ABHD17C: variants seen among roughly 807,000 people sequenced by gnomAD.
ABHD17C encodes the protein abhydrolase domain containing 17C, depalmitoylase.
A neutral mutation model predicts 27.9 loss-of-function variants in ABHD17C; 11 were observed. The ratio of observed to expected loss-of-function variants is 0.39; its 90% CI spans 0.25 to 0.65. The LOEUF is 0.65. Ranked by LOEUF, ABHD17C falls within the 30% of genes least tolerant of loss-of-function variation. ABHD17C has a pLI of 0.45. For synonymous variants in ABHD17C, 233 were observed against 209.1 expected (o/e 1.11, Z -0.98); for missense variants, 280 against 470.2 (o/e 0.60, Z 3.74).
At chr15:80,739,598 T>A (rs750520275) in intron 1 of ABHD17C, among the ~76,000 whole-genome samples, 6 of 152,066 alleles carry the variant, frequency 3.9e-5, no homozygotes, top group Admixed American at 2.6e-4. Context: ...ACCTGACATC[T>A]CTCTTGTTCT....
Position 80,696,025 on chromosome 15 carries a change from C to T in ABHD17C, c.590+6C>T. On this transcript the variant is annotated splice_donor_region_variant and intron_variant, in intron 1 of 2. Transcript: ENST00000258884. ...TGGCAGGCGCTGCGCACCCGGTGAG[C>T]CTGCCGGGGTCGCCAGGCCTGACTT... is the stretch of plus-strand genomic sequence containing the variant. 1 of 1,558,818 alleles carries T rather than the reference C, an allele frequency of 6.4e-7. No homozygotes were observed. The highest frequency in any genetic ancestry group is 1.9e-5 in the Admixed American group (1 of 53,706).
chr15:80,704,564 C>CA (rs144846637), intron 1 of ABHD17C: 13,208 of 139,848 alleles, frequency 0.094, 823 homozygotes, highest in Middle Eastern at 0.18. Context: ...ATACATACGG[C>CA]AAAAAAAAAG....
intron 1 of ABHD17C, among the ~76,000 whole-genome samples, chr15:80,709,099 T>C (rs951111138): frequency 2.6e-5 from 4 of 152,184 alleles, no homozygotes; most frequent in African/African-American, 9.7e-5. Context: ...TTGCAGTTTG[T>C]ATCATACCAG....
At chr15:80,707,569 C>T (rs1414600972) in intron 1 of ABHD17C, among the ~76,000 whole-genome samples, 1 of 151,142 alleles carries the variant, frequency 6.6e-6, no homozygotes, top group African/African-American at 2.4e-5. Context: ...TGAGCCCCCC[C>T]TCAAAAAAAA....
At chr15:80,698,147 C>T (rs1435021332) in intron 1 of ABHD17C, among the ~76,000 whole-genome samples, 1 of 148,816 alleles carries the variant, frequency 6.7e-6, no homozygotes, top group African/African-American at 2.5e-5. Flanking sequence ...TCACTGTAAG[C>T]TCCACCTCCC....
intron 1 of ABHD17C, chr15:80,704,901 A>G (rs2291320): frequency 0.1 from 15,487 of 152,110 alleles, 1,461 homozygotes; most frequent in East Asian, 0.55. Flanking sequence ...GTGGGTGCCC[A>G]TTGCAAGCCT....
chr15:80,695,489 C>A lies in ABHD17C; in HGVS notation c.60C>A (p.Phe20Leu), dbSNP rs1176435630. ...CGCTGGGTGAGCTGTGCTGGCTCTTCTGCTGCCCGCCCTGCCCGAGCCGCA... is the reference window on the plus strand; with the variant it reads ...CGCTGGGTGAGCTGTGCTGGCTCTTATGCTGCCCGCCCTGCCCGAGCCGCA... ...GFSLGELCWL[F>L]CCPPCPSRIA... The change falls in exon 1 of 3, where the codon TTC becomes TTA. Residue 20 changes from phenylalanine (F) to leucine (L), a missense_variant. Phe to Leu is a conservative substitution (Grantham distance 22, BLOSUM62 0). Coordinates refer to ENST00000258884, the MANE Select transcript of ABHD17C (RefSeq NM_021214.2). The surrounding 1 kb of genome is among the most constrained non-coding windows in gnomAD (Gnocchi z 4.3). The A allele has an allele frequency of 7.2e-7, 1 of 1,394,984 alleles. No homozygotes were observed. The highest frequency in any genetic ancestry group is 9.4e-7 in the Non-Finnish European group (1 of 1,064,350). The allele number at this position is 1,394,984 out of a possible 1,614,324, so 86.4% of individuals were successfully genotyped here.
intron 1 of ABHD17C, among the ~76,000 whole-genome samples, chr15:80,726,081 T>C (rs1894970205): frequency 6.6e-6 from 1 of 152,220 alleles, no homozygotes; most frequent in East Asian, 1.9e-4. Flanking sequence ...GTATCCCTTA[T>C]GGGAAACAAA....
chr15:80,748,888 GGGAA>G (rs1318959837), intron 1 of ABHD17C, among the ~76,000 whole-genome samples: 1 of 151,666 alleles, frequency 6.6e-6, no homozygotes, highest in Non-Finnish European at 1.5e-5. Flanking sequence ...AAGGGAGGCT[GGGAA>G]ATGAAGCCTG....
chr15:80,695,581 G>A lies in ABHD17C; in HGVS notation c.152G>A (p.Gly51Asp), dbSNP rs892739549. 2 of 1,118,722 alleles carry A rather than the reference G, an allele frequency of 1.8e-6. No homozygotes were observed. The highest frequency in any genetic ancestry group is 2.2e-6 in the Non-Finnish European group (2 of 914,300). The allele number at this position is 1,118,722 out of a possible 1,614,324, so 69.3% of individuals were successfully genotyped here. Residue 51 changes from glycine to aspartate, a missense_variant, in exon 1 of 3, where the codon GGC becomes GAC. Gly to Asp is a moderately conservative substitution (Grantham distance 94). This residue lies in a region of ABHD17C where 74 missense variants were observed against 75.5 expected (regional missense o/e 0.98). Coordinates refer to ENST00000258884, the MANE Select transcript of ABHD17C (RefSeq NM_021214.2). The surrounding 1 kb of genome is among the most constrained non-coding windows in gnomAD (Gnocchi z 4.3). ...TYTVLAPEQR[G>D]AGASAPAPAQ... ...ACGGTGCTGGCGCCGGAGCAGCGCG[G>A]CGCCGGCGCGTCCGCCCCGGCCCCG...
intron 1 of ABHD17C, among the ~76,000 whole-genome samples, chr15:80,734,441 A>T (rs1454215068): frequency 6.6e-6 from 1 of 152,214 alleles, no homozygotes; most frequent in Non-Finnish European, 1.5e-5. Flanking sequence ...TGCCAAAAGA[A>T]TCTCCATTAT....
chr15:80,699,164 G>GT (rs1894537760), intron 1 of ABHD17C, among the ~76,000 whole-genome samples: 1 of 152,150 alleles, frequency 6.6e-6, no homozygotes, highest in Admixed American at 6.6e-5. Context: ...CAGTGTTGCT[G>GT]TATCTGTTAT....
intron 1 of ABHD17C, among the ~76,000 whole-genome samples, chr15:80,737,038 A>G (rs1226850198): frequency 2.0e-5 from 3 of 152,076 alleles, no homozygotes; most frequent in Non-Finnish European, 2.9e-5. Context: ...TCCCATTCCC[A>G]TATGCTGAGT....
At position 80,705,297 on chromosome 15, in the gene ABHD17C, G is replaced by A. The variant is rs1393228762; in HGVS notation, c.590+9278G>A. Among the ~76,000 whole-genome samples, 7 of 139,396 alleles carry A rather than the reference G, an allele frequency of 5.0e-5. No homozygotes were observed. In the East Asian group the frequency reaches 1.2e-3, roughly 25 times the overall value. The allele number at this position is 139,396 out of a possible 152,430, so 91.4% of individuals were successfully genotyped here. On this transcript the variant is annotated intron_variant, in intron 1 of 2. Coordinates refer to ENST00000258884, the MANE Select transcript of ABHD17C (RefSeq NM_021214.2). ...AAGGTTGTCTCAAGGGTAACCTGGG[G>A]AGAAATGTTCCCTGCAGTTCTGAGC...
At position 80,751,223 on chromosome 15, in the gene ABHD17C, G is replaced by C. The variant is rs1338263705; in HGVS notation, c.770+1531G>C. On this transcript the variant is annotated intron_variant, in intron 2 of 2. Coordinates refer to ENST00000258884, the MANE Select transcript of ABHD17C (RefSeq NM_021214.2). Reference sequence around the variant, plus strand: ...AAAAAAAAAATAATTAGACGAGCGTGGTGGTGCACACCTGTAATCCCAGCT... The same window carrying C: ...AAAAAAAAAATAATTAGACGAGCGTCGTGGTGCACACCTGTAATCCCAGCT... Among the ~76,000 whole-genome samples the C allele has an allele frequency of 2.0e-5, 3 of 151,960 alleles. No homozygotes were observed. The East Asian group carries it at 5.8e-4, about 29-fold the overall frequency.
At chr15:80,727,710 C>G (rs1895000422) in intron 1 of ABHD17C, among the ~76,000 whole-genome samples, 1 of 152,006 alleles carries the variant, frequency 6.6e-6, no homozygotes, top group African/African-American at 2.4e-5. Context: ...GGGCCAATGA[C>G]CAGTCGGGTG....
Position 80,754,611 on chromosome 15 carries a change from G to C in ABHD17C, c.*241G>C. The C allele has an allele frequency of 2.1e-6, 1 of 470,526 alleles. No homozygotes were observed. Among genetic ancestry groups the C allele is most frequent in the African/African-American group, 1.9e-5 (1 of 51,426 alleles). The allele number at this position is 470,526 out of a possible 1,614,324, so 29.1% of individuals were successfully genotyped here. A position where few individuals can be genotyped will look rare whatever the true frequency, so the allele number is the denominator to read the frequency against. On this transcript the variant is annotated 3_prime_UTR_variant, in exon 3 of 3. Coordinates refer to ENST00000258884, the MANE Select transcript of ABHD17C (RefSeq NM_021214.2). ...CAGCTTCATTACCTTGCAGGAATGGGAATGAGAGCTGAATGTAGGGACAAT... is the reference window on the plus strand; with the variant it reads ...CAGCTTCATTACCTTGCAGGAATGGCAATGAGAGCTGAATGTAGGGACAAT...
intron 1 of ABHD17C, among the ~76,000 whole-genome samples, chr15:80,697,551 T>C (rs1027860071): frequency 5.3e-5 from 8 of 152,224 alleles, no homozygotes; most frequent in African/African-American, 1.4e-4. Context: ...GCCTTTCACA[T>C]GGCTCACCCT....
chr15:80,741,107 T>C (rs1377351725), intron 1 of ABHD17C, among the ~76,000 whole-genome samples: 1 of 152,144 alleles, frequency 6.6e-6, no homozygotes, highest in Non-Finnish European at 1.5e-5. Flanking sequence ...TCACCTTACA[T>C]ATAGCCTTGC....
Sources: allele counts gnomAD v4.1 joint callset (sites outside exome capture counted in the v4.1 genomes callset), GRCh38; gene constraint gnomAD v4.1.1; regional missense constraint gnomAD v4.1.1; non-coding constraint Gnocchi (gnomAD v3.1); transcripts MANE v1.5; gene names NCBI Gene and HGNC (gene_info 2026-07-23, HGNC 2026-07-21).